The following DOCK10 variants were observed in gnomAD, a reference collection of about 807,000 sequenced individuals.
DOCK10 encodes dedicator of cytokinesis 10.
Under a neutral mutation model 280.1 loss-of-function variants are expected in DOCK10, and 145 were observed. The ratio of observed to expected loss-of-function variants is 0.52; its 90% CI spans 0.45 to 0.59. DOCK10 has a LOEUF of 0.59. DOCK10 is among the 20% of genes least tolerant of loss of function. The probability of loss-of-function intolerance (pLI) is 0.00; values close to 1 mark genes in which losing one functional copy is unlikely to be tolerated. For missense variants in DOCK10, 2,368 were observed against 2,651.7 expected (o/e 0.89, Z 2.35); for synonymous variants, 915 against 942.2 (o/e 0.97, Z 0.53).
Position 224,839,965 on chromosome 2 carries a change from T to C in DOCK10, c.2769A>G (p.Thr923=). 1.3e-6 allele frequency: 2 copies of C among 1,507,680 alleles called. No homozygotes were observed. Among genetic ancestry groups the C allele is most frequent in the East Asian group, 2.4e-5 (1 of 42,020 alleles). The allele number at this position is 1,507,680 out of a possible 1,614,324, so 93.4% of individuals were successfully genotyped here. A position where few individuals can be genotyped will look rare whatever the true frequency, so the allele number is the denominator to read the frequency against. ...LVQNEEDEIT[T]TVTRVLTDIV... The stretch of plus-strand genomic sequence containing the variant: ...TGTGTTATGGATACCTGGTGACAGT[T>C]GTAGTTATTTCATCTTCCTCATTCT... Residue 923 remains threonine (T), a synonymous_variant, in exon 24 of 56, where the codon ACA becomes ACG. Coordinates refer to ENST00000258390, the MANE Select transcript of DOCK10 (RefSeq NM_014689.3).
chr2:224,814,851 A>T (rs1409157465), intron 30 of DOCK10, among the ~76,000 whole-genome samples: 1 of 152,204 alleles, frequency 6.6e-6, no homozygotes, highest in Non-Finnish European at 1.5e-5. Context: ...GAGGGTCATG[A>T]GCAGAATTAT....
At chr2:224,862,351 G>A (rs1697563370) in intron 14 of DOCK10, 1 of 202,678 alleles carries the variant, frequency 4.9e-6, no homozygotes. Flanking sequence ...TAATGTCAAA[G>A]GTTTGTTAAG....
At chr2:224,982,534 A>G (rs1320408694) in intron 1 of DOCK10, 2 of 1,220,330 alleles carry the variant, frequency 1.6e-6, no homozygotes, top group Non-Finnish European at 2.0e-6. Flanking sequence ...GCTTGGATGC[A>G]GAGATGGGAA....
At chr2:224,815,810 C>T (rs1341769436) in intron 30 of DOCK10, among the ~76,000 whole-genome samples, 8 of 152,024 alleles carry the variant, frequency 5.3e-5, no homozygotes, top group East Asian at 1.9e-4. Flanking sequence ...CCGACGTAGG[C>T]GGATCACCTG....
chr2:224,989,661 T>C (rs936164365), intron 1 of DOCK10, among the ~76,000 whole-genome samples: 6 of 152,112 alleles, frequency 3.9e-5, no homozygotes, highest in Non-Finnish European at 5.9e-5. Flanking sequence ...TCCAGATGGG[T>C]AAGCCCCCCG....
intron 1 of DOCK10, among the ~76,000 whole-genome samples, chr2:224,992,835 C>T (rs1202993228): frequency 6.6e-6 from 1 of 152,164 alleles, no homozygotes; most frequent in African/African-American, 2.4e-5. Context: ...GAATAGATGC[C>T]ATGAGTTCTT....
At chr2:224,967,347 T>C (rs1418096482) in intron 1 of DOCK10, among the ~76,000 whole-genome samples, 1 of 152,214 alleles carries the variant, frequency 6.6e-6, no homozygotes, top group African/African-American at 2.4e-5. Context: ...CCCAAAGTGC[T>C]GGGATTACAG....
intron 9 of DOCK10, 67 bp from the exon 10 acceptor site, chr2:224,874,416 T>C: frequency 1.6e-6 from 2 of 1,270,578 alleles, no homozygotes; most frequent in Non-Finnish European, 2.2e-6. Flanking sequence ...CACATCCACA[T>C]GGCCAAGAAG....
intron 1 of DOCK10, among the ~76,000 whole-genome samples, chr2:225,006,394 G>A (rs1212879388): frequency 2.0e-5 from 3 of 152,160 alleles, no homozygotes; most frequent in African/African-American, 4.8e-5. Flanking sequence ...CTTTTAATCA[G>A]GCTCTTATCT....
At chr2:224,994,228 T>C (rs1706206491) in intron 1 of DOCK10, among the ~76,000 whole-genome samples, 2 of 152,244 alleles carry the variant, frequency 1.3e-5, no homozygotes, top group Admixed American at 6.5e-5. Flanking sequence ...GTAGTATATG[T>C]ACTGGTTAAG....
rs772260116 is a variant in DOCK10 at position 224,830,517 on chromosome 2, ATAT to A, written c.3036+21_3036+23del. On this transcript the variant is annotated intron_variant, in intron 27 of 55. Transcript: ENST00000258390. ...TGGATAATATTGTAAAAATATTATA[ATAT>A]TATATTACTTATGTTCTTACCTGGA... 32 of 1,223,130 alleles carry A rather than the reference ATAT, an allele frequency of 2.6e-5. No homozygotes were observed. In the East Asian group the frequency reaches 7.8e-4, roughly 30 times the overall value. The allele number at this position is 1,223,130 out of a possible 1,614,324, so 75.8% of individuals were successfully genotyped here. A position where few individuals can be genotyped will look rare whatever the true frequency, so the allele number is the denominator to read the frequency against.
chr2:224,914,019 G>A (rs561791322), intron 3 of DOCK10, among the ~76,000 whole-genome samples: 47 of 152,290 alleles, frequency 3.1e-4, no homozygotes, highest in African/African-American at 1.1e-3. Flanking sequence ...TTACAGGCAT[G>A]AGCCACCTCA....
chr2:224,948,874 ACTTT>A (rs1703573954), intron 1 of DOCK10, among the ~76,000 whole-genome samples: 1 of 152,168 alleles, frequency 6.6e-6, no homozygotes, highest in South Asian at 2.1e-4. Context: ...CTGTTAAGCG[ACTTT>A]CTGTCTGTCT....
chr2:224,909,368 G>A (rs923374320), intron 3 of DOCK10, among the ~76,000 whole-genome samples: 1 of 152,120 alleles, frequency 6.6e-6, no homozygotes, highest in East Asian at 1.9e-4. Flanking sequence ...TCCAGTAGTT[G>A]TTTTCCAAGT....
chr2:224,882,687 C>CT (rs1408521447), intron 7 of DOCK10, among the ~76,000 whole-genome samples: 2 of 152,184 alleles, frequency 1.3e-5, no homozygotes, highest in African/African-American at 2.4e-5. Flanking sequence ...CGTTGTTCCT[C>CT]TTTTTTGTTT....
chr2:225,007,474 G>A (rs1242921386), intron 1 of DOCK10, among the ~76,000 whole-genome samples: 2 of 152,116 alleles, frequency 1.3e-5, no homozygotes, highest in Non-Finnish European at 2.9e-5. Context: ...CTAAGAAGTT[G>A]TACTTTAAGG....
intron 2 of DOCK10, among the ~76,000 whole-genome samples, chr2:224,924,623 A>T (rs1375036927): frequency 1.3e-5 from 2 of 152,212 alleles, no homozygotes; most frequent in African/African-American, 2.4e-5. Flanking sequence ...TATTTGGGTT[A>T]TTCTCATTTT....
intron 13 of DOCK10, among the ~76,000 whole-genome samples, 199 bp downstream of exon 13, chr2:224,864,354 C>CAA (rs1207300865): frequency 6.6e-6 from 1 of 151,994 alleles, no homozygotes; most frequent in East Asian, 1.9e-4. Flanking sequence ...CTATAAAATA[C>CAA]AAAAAATTAG....
intron 3 of DOCK10, among the ~76,000 whole-genome samples, chr2:224,904,964 A>G (rs911505933): frequency 3.9e-5 from 6 of 152,212 alleles, no homozygotes; most frequent in Non-Finnish European, 8.8e-5. Flanking sequence ...CTTTTAAATT[A>G]TAGCCAACTC....
Sources: allele counts gnomAD v4.1 joint callset (sites outside exome capture counted in the v4.1 genomes callset), GRCh38; gene constraint gnomAD v4.1.1; transcripts MANE v1.5; gene names NCBI Gene and HGNC (gene_info 2026-07-23, HGNC 2026-07-21).